Variants in ZNF589 observed in about 807,000 individuals in gnomAD.
ZNF589 encodes the protein KRAB-zinc finger protein SZF1-1.
ZNF589 carries 17 observed loss-of-function variants against 13.6 expected under a neutral mutation model. That is an observed-to-expected ratio of 1.25 (90% CI 0.86 to 1.88). ZNF589 has a LOEUF of 1.88. Ranked by LOEUF, ZNF589 falls within the 40% of genes most tolerant of loss-of-function variation. The pLI, the probability that ZNF589 is intolerant of heterozygous loss-of-function variation, is 0.00. For synonymous variants in ZNF589, 148 were observed against 161.6 expected, an observed-to-expected ratio of 0.92 and a Z score of 0.64; for missense variants, 407 against 434.0, an observed-to-expected ratio of 0.94 and a Z score of 0.55.
chr3:48,262,061 G>T (rs940212746), intron 3 of ZNF589, among the ~76,000 whole-genome samples: 4 of 152,138 alleles, frequency 2.6e-5, no homozygotes, highest in African/African-American at 9.7e-5. Context: ...TTTCATCCTT[G>T]ATCCATCTTT....
intron 3 of ZNF589, among the ~76,000 whole-genome samples, chr3:48,266,935 C>T (rs1020298422): frequency 6.6e-6 from 1 of 152,162 alleles, no homozygotes; most frequent in Non-Finnish European, 1.5e-5. Flanking sequence ...TACGGGAATG[C>T]TCTTTGTGAC....
At chr3:48,267,654 C>G (rs1347104316) in intron 3 of ZNF589, among the ~76,000 whole-genome samples, 1 of 152,236 alleles carries the variant, frequency 6.6e-6, no homozygotes, top group Non-Finnish European at 1.5e-5. Flanking sequence ...CTCCGCCTCC[C>G]AAAGTGCTGG....
intron 2 of ZNF589, among the ~76,000 whole-genome samples, chr3:48,256,088 C>T (rs184411508): frequency 9.1e-4 from 138 of 152,092 alleles, no homozygotes; most frequent in African/African-American, 3.2e-3. Context: ...AACTCCTGTC[C>T]CCAGCACTGA....
chr3:48,257,248 GTTTTTGTTTTGT>G (rs200357940), intron 2 of ZNF589, among the ~76,000 whole-genome samples: 6,891 of 151,820 alleles, frequency 0.045, 528 homozygotes, highest in African/African-American at 0.15. Context: ...TTTTGTTTTT[GTTTTTGTTTTGT>G]TTTTTGTTTT....
intron 2 of ZNF589, among the ~76,000 whole-genome samples, chr3:48,250,237 A>G (rs1324353803): frequency 1.3e-5 from 2 of 150,878 alleles, no homozygotes; most frequent in East Asian, 3.9e-4. Flanking sequence ...CTGTTGACGA[A>G]TCTCTCTCCT....
intron 3 of ZNF589, among the ~76,000 whole-genome samples, chr3:48,262,648 A>C (rs1240692772): frequency 6.6e-6 from 1 of 152,242 alleles, no homozygotes; most frequent in Non-Finnish European, 1.5e-5. Context: ...TGAGATCCAC[A>C]CATTCCATCT....
At chr3:48,249,318 G>T (rs1221688436) in intron 2 of ZNF589, among the ~76,000 whole-genome samples, 9 of 152,092 alleles carry the variant, frequency 5.9e-5, no homozygotes, top group Admixed American at 5.9e-4. Flanking sequence ...AGCCAGGCTG[G>T]TCTCGAACTC....
chr3:48,248,886 C>T (rs1334844613), intron 2 of ZNF589, among the ~76,000 whole-genome samples: 5 of 152,080 alleles, frequency 3.3e-5, no homozygotes, highest in Admixed American at 6.6e-5. Flanking sequence ...ATTAAATTCG[C>T]GTAGCTTCAT....
chr3:48,247,366 G>A (rs1172904302), intron 1 of ZNF589, among the ~76,000 whole-genome samples: 2 of 152,034 alleles, frequency 1.3e-5, no homozygotes, highest in Non-Finnish European at 2.9e-5. Context: ...CTAATTTTTA[G>A]GGTAGAAAGA....
chr3:48,266,930 G>A (rs912878344), intron 3 of ZNF589, among the ~76,000 whole-genome samples: 2 of 152,132 alleles, frequency 1.3e-5, no homozygotes, highest in Non-Finnish European at 2.9e-5. Context: ...ACCTATACGG[G>A]AATGCTCTTT....
intron 3 of ZNF589, among the ~76,000 whole-genome samples, chr3:48,261,233 G>A (rs1016485106): frequency 6.6e-6 from 1 of 152,210 alleles, no homozygotes; most frequent in East Asian, 1.9e-4. Context: ...AGTGCCGGGT[G>A]TGGAGGCAAC....
In ZNF589 at chr3:48,270,345, A is replaced by G; in HGVS notation, c.*1559A>G. The G allele has an allele frequency of 2.4e-6, 1 of 409,982 alleles. No individual in the cohort carries two copies. The highest frequency in any genetic ancestry group is 4.9e-6 in the Non-Finnish European group (1 of 205,312). The allele number at this position is 409,982 out of a possible 1,614,324, so 25.4% of individuals were successfully genotyped here. A position where few individuals can be genotyped will look rare whatever the true frequency, so the allele number is the denominator to read the frequency against. On this transcript the variant is annotated 3_prime_UTR_variant, in exon 4 of 4. Coordinates refer to ENST00000354698, the MANE Select transcript of ZNF589 (RefSeq NM_016089.3). ...AGCCACGCCACCTTGGCCTTCAATG[A>G]CAGGGATCTAGCAATGCTGCATCAT... is the stretch of plus-strand genomic sequence containing the variant.
chr3:48,263,382 T>C (rs1304677812), intron 3 of ZNF589, among the ~76,000 whole-genome samples: 1 of 152,216 alleles, frequency 6.6e-6, no homozygotes, highest in Non-Finnish European at 1.5e-5. Flanking sequence ...AGTGTTGGGA[T>C]TACCGGCGTG....
At chr3:48,251,559 CAA>C (rs372193777) in intron 2 of ZNF589, among the ~76,000 whole-genome samples, 1 of 140,830 alleles carries the variant, frequency 7.1e-6, no homozygotes, top group African/African-American at 2.6e-5. Flanking sequence ...AACTCCATCT[CAA>C]AAAAAAAAAG....
chr3:48,259,936 AAT>A (rs1421569226), intron 2 of ZNF589, among the ~76,000 whole-genome samples: 2 of 151,314 alleles, frequency 1.3e-5, no homozygotes, highest in Non-Finnish European at 2.9e-5. Context: ...AAAAAAAAAA[AAT>A]CTAGGGCAAG....
At chr3:48,263,586 C>CAAAACA (rs982356215) in intron 3 of ZNF589, among the ~76,000 whole-genome samples, 2 of 151,982 alleles carry the variant, frequency 1.3e-5, no homozygotes, top group Admixed American at 6.6e-5. Context: ...ACTAAAAATA[C>CAAAACA]AAAACAAAAA....
chr3:48,265,573 TCA>T (rs1044081386), intron 3 of ZNF589, among the ~76,000 whole-genome samples: 1 of 151,920 alleles, frequency 6.6e-6, no homozygotes, highest in Non-Finnish European at 1.5e-5. Context: ...CAAGTGTGAG[TCA>T]CTGTGCTGGC....
At position 48,247,646 on chromosome 3, in the gene ZNF589, C is replaced by T; in HGVS notation, c.65C>T (p.Ala22Val). The T allele has an allele frequency of 1.2e-6, 2 of 1,612,910 alleles. No homozygotes were observed. The highest frequency in any genetic ancestry group is 1.7e-6 in the Non-Finnish European group (2 of 1,179,372). The change falls in exon 2 of 4, where the codon GCC (alanine) becomes GTC (valine). Residue 22 changes from alanine (A) to valine (V), a missense_variant. By Grantham distance (64) the Ala-to-Val change is moderately conservative (BLOSUM62 0). Transcript: ENST00000354698. Reference sequence around the variant, plus strand: ...CCAGCTCTGCCTGCCAAGGATTCTGCCTGGCCCTGGGAAGAGAAGCCTAGA... The same window carrying T: ...CCAGCTCTGCCTGCCAAGGATTCTGTCTGGCCCTGGGAAGAGAAGCCTAGA... ...TAEALPAKDS[A>V]WPWEEKPRYL... is the part of the protein sequence containing the mutation.
At chr3:48,265,015 A>G (rs1231029128) in intron 3 of ZNF589, among the ~76,000 whole-genome samples, 1 of 151,806 alleles carries the variant, frequency 6.6e-6, no homozygotes, top group Non-Finnish European at 1.5e-5. Context: ...TCTGTCACCC[A>G]GGCTGGAGTG....
Sources: gnomAD v4.1 joint callset for allele counts (sites outside exome capture counted in the v4.1 genomes callset) on GRCh38, gnomAD v4.1.1 for gene constraint, MANE v1.5 for transcripts, NCBI Gene and HGNC (gene_info 2026-07-23, HGNC 2026-07-21) for gene names.